The following GFRA1 variants were observed in gnomAD, a reference collection of about 807,000 sequenced individuals.
GFRA1 encodes the protein GDNF family receptor alpha-1.
In GFRA1, 16 loss-of-function variants were observed where a neutral mutation model predicts 51.6. The ratio of observed to expected loss-of-function variants is 0.31; its 90% CI spans 0.21 to 0.47. The LOEUF (loss-of-function observed/expected upper bound fraction) is 0.47, where lower values mean the gene tolerates loss of function less well. Among genes scored for constraint, GFRA1 ranks in the 20% least tolerant of loss-of-function variants. The pLI, the probability that GFRA1 is intolerant of heterozygous loss-of-function variation, is 1.00. For synonymous variants in GFRA1, 270 were observed against 241.3 expected (o/e 1.12, Z -1.10); for missense variants, 530 against 594.3 (o/e 0.89, Z 1.13).
intron 4 of GFRA1, among the ~76,000 whole-genome samples, chr10:116,230,787 T>C (rs150394591): frequency 9.5e-4 from 144 of 152,182 alleles, no homozygotes; most frequent in African/African-American, 3.4e-3. Flanking sequence ...TTATCAAAGC[T>C]ATCAGTGAGT....
chr10:116,153,779 A>G (rs1376855420), intron 5 of GFRA1, among the ~76,000 whole-genome samples: 1 of 152,226 alleles, frequency 6.6e-6, no homozygotes, highest in Admixed American at 6.5e-5. Context: ...TCATCAAATG[A>G]TACCATTTGA....
intron 9 of GFRA1, among the ~76,000 whole-genome samples, chr10:116,075,997 G>A (rs926097070): frequency 1.6e-4 from 24 of 151,906 alleles, no homozygotes; most frequent in African/African-American, 5.1e-4. Flanking sequence ...ACCCACCTCG[G>A]CCTCCCAAAG....
intron 5 of GFRA1, 123 bp downstream of exon 5, chr10:116,211,507 CT>C (rs1965191628): frequency 2.3e-6 from 2 of 874,180 alleles, no homozygotes; most frequent in East Asian, 2.7e-5. Flanking sequence ...CATGGTGTCC[CT>C]GAGGGCCTAA....
intron 4 of GFRA1, among the ~76,000 whole-genome samples, chr10:116,251,789 C>G (rs1419498580): frequency 3.3e-5 from 5 of 151,904 alleles, no homozygotes; most frequent in Non-Finnish European, 7.4e-5. Context: ...CAAAACACGC[C>G]ACAGTCACCT....
Position 116,096,739 on chromosome 10 carries a change from T to A in GFRA1, c.796A>T (p.Asn266Tyr), listed in dbSNP as rs767450649. Reference protein sequence around the residue: ...CRSRLADFFTNCQPESRSVSS... With the variant: ...CRSRLADFFTYCQPESRSVSS... ...ACAGACCTTGACTCTGGCTGGCAGT[T>A]GGTAAAAAAATCCGCAAGGCGAGAT... Residue 266 changes from asparagine (N) to tyrosine (Y), a missense_variant, in exon 7 of 11, where the codon AAC becomes TAC. Physicochemically the swap from Asn to Tyr is moderately radical, Grantham distance 143. Coordinates refer to ENST00000355422, the MANE Select transcript of GFRA1 (RefSeq NM_005264.8). The A allele has an allele frequency of 2.5e-6, 4 of 1,611,916 alleles. No homozygotes were observed. Among genetic ancestry groups the A allele is most frequent in the African/African-American group, 1.3e-5 (1 of 74,884 alleles).
At chr10:116,199,574 A>G (rs1357986856) in intron 5 of GFRA1, among the ~76,000 whole-genome samples, 1 of 152,236 alleles carries the variant, frequency 6.6e-6, no homozygotes, top group African/African-American at 2.4e-5. Context: ...GTATCCATCT[A>G]TCCACCTCTC....
chr10:116,130,781 T>C (rs893237306), intron 5 of GFRA1, among the ~76,000 whole-genome samples: 5 of 152,092 alleles, frequency 3.3e-5, no homozygotes, highest in Non-Finnish European at 5.9e-5. Context: ...AAAACTAATG[T>C]AATATGGATC....
At chr10:116,175,030 G>A (rs768849221) in intron 5 of GFRA1, among the ~76,000 whole-genome samples, 2 of 152,072 alleles carry the variant, frequency 1.3e-5, no homozygotes, top group Admixed American at 6.6e-5. Flanking sequence ...TCCCTCTTTC[G>A]TAGGACTCAA....
chr10:116,069,346 A>C (rs1955265654), intron 9 of GFRA1, among the ~76,000 whole-genome samples: 1 of 152,194 alleles, frequency 6.6e-6, no homozygotes, highest in South Asian at 2.1e-4. Context: ...CCTGACTCTA[A>C]GTTGGGGGAA....
chr10:116,260,785 T>A (rs1004113832), intron 4 of GFRA1, among the ~76,000 whole-genome samples: 17 of 152,324 alleles, frequency 1.1e-4, no homozygotes, highest in African/African-American at 3.8e-4. Flanking sequence ...CCAGGAGACA[T>A]AATAAATTAG....
At chr10:116,187,574 C>T (rs1010998266) in intron 5 of GFRA1, among the ~76,000 whole-genome samples, 8 of 152,150 alleles carry the variant, frequency 5.3e-5, no homozygotes, top group African/African-American at 1.9e-4. Context: ...AAGGAACTCA[C>T]CCAAAAGCCA....
intron 5 of GFRA1, among the ~76,000 whole-genome samples, chr10:116,175,494 A>T (rs1323149246): frequency 6.6e-6 from 1 of 152,188 alleles, no homozygotes; most frequent in African/African-American, 2.4e-5. Context: ...GGGCGAGATT[A>T]ATGTTAGTTG....
At chr10:116,274,210 G>A (rs936087419), upstream of GFRA1, among the ~76,000 whole-genome samples, 2 of 129,068 alleles carry the variant, frequency 1.5e-5, no homozygotes, top group Non-Finnish European at 3.5e-5. Context: ...GCACGCCGGG[G>A]GGCGCCCGGG....
intron 9 of GFRA1, among the ~76,000 whole-genome samples, chr10:116,083,482 T>C (rs1195459658): frequency 6.6e-6 from 1 of 152,230 alleles, no homozygotes; most frequent in African/African-American, 2.4e-5. Flanking sequence ...AGAATATTGA[T>C]TAAGTGCTCC....
chr10:116,162,220 T>G (rs10885867), intron 5 of GFRA1, among the ~76,000 whole-genome samples: 210 of 152,160 alleles, frequency 1.4e-3, no homozygotes, highest in African/African-American at 4.2e-3. Flanking sequence ...CAGGCCTGAT[T>G]TGACCCATAT....
intron 4 of GFRA1, 48 bp downstream of exon 4, chr10:116,269,455 G>A (rs746648351): frequency 5.3e-5 from 55 of 1,046,590 alleles, no homozygotes; most frequent in Non-Finnish European, 7.6e-5. Flanking sequence ...GCAAGCCAAC[G>A]AATTCAAGCA....
chr10:116,256,598 C>T (rs888805696), intron 4 of GFRA1, among the ~76,000 whole-genome samples: 6 of 149,908 alleles, frequency 4.0e-5, no homozygotes, highest in Admixed American at 2.6e-4. Flanking sequence ...CTCCCTTCCT[C>T]CCCATCCTCT....
In GFRA1 at chr10:116,214,720, G is replaced by A. The variant is rs565208414; in HGVS notation, c.419-3075C>T. On this transcript the variant is annotated intron_variant, in intron 4 of 10. Transcript: ENST00000355422. ...AAATACGGATTCAGTCTCGACATCC[G>A]TCCAGAATCCTCAACCTCCTCTGCG... 2.6e-5 allele frequency among the ~76,000 whole-genome samples: 4 copies of A among 152,288 alleles called. No individual in the cohort carries two copies. The South Asian group carries it at 6.2e-4, about 24-fold the overall frequency.
chr10:116,103,987 G>A (rs899391932), intron 6 of GFRA1, among the ~76,000 whole-genome samples: 2 of 151,662 alleles, frequency 1.3e-5, no homozygotes, highest in Non-Finnish European at 2.9e-5. Context: ...GAGCTGGGGA[G>A]CTGAGGAGCT....
Sources: allele counts gnomAD v4.1 joint callset (sites outside exome capture counted in the v4.1 genomes callset), GRCh38; gene constraint gnomAD v4.1.1; transcripts MANE v1.5; gene names NCBI Gene and HGNC (gene_info 2026-07-23, HGNC 2026-07-21).